Variants in PHKB observed in about 807,000 individuals in gnomAD.
PHKB encodes phosphorylase b kinase regulatory subunit beta.
Under a neutral mutation model 152.1 loss-of-function variants are expected in PHKB, and 122 were observed. That is an observed-to-expected ratio of 0.80 (90% confidence interval 0.69 to 0.93). The LOEUF (loss-of-function observed/expected upper bound fraction) is 0.93, where lower values mean the gene tolerates loss of function less well. PHKB is among the 40% of genes least tolerant of loss of function. The pLI is 0.00. For synonymous variants in PHKB, 436 were observed against 464.9 expected, an observed-to-expected ratio of 0.94 and a Z score of 0.80; for missense variants, 1,304 against 1,328.4, an observed-to-expected ratio of 0.98 and a Z score of 0.29.
intron 14 of PHKB, among the ~76,000 whole-genome samples, chr16:47,614,168 G>A (rs1030604756): frequency 4.6e-5 from 7 of 152,170 alleles, no homozygotes; most frequent in African/African-American, 1.2e-4. Flanking sequence ...GGAGAGTGAG[G>A]GGGAGGGCCT....
intron 15 of PHKB, 50 bp downstream of exon 15, chr16:47,641,140 G>A (rs934202986): frequency 7.4e-7 from 1 of 1,359,494 alleles, no homozygotes; most frequent in Non-Finnish European, 1.1e-6. Context: ...GGGGAGGGGA[G>A]GGGAAATGAT....
rs539665010 is a variant in PHKB, at chr16:47,636,023, T to C, written c.1459-5012T>C. On this transcript the variant is annotated intron_variant, in intron 14 of 30. Coordinates refer to ENST00000323584, the MANE Select transcript of PHKB (RefSeq NM_000293.3). Reference sequence around the variant, plus strand: ...AACAGGATTCTGGTGACTAATTGCATATGGAGGTTATGTAAAAGGCATCAA... The same window carrying C: ...AACAGGATTCTGGTGACTAATTGCACATGGAGGTTATGTAAAAGGCATCAA... Among the ~76,000 whole-genome samples, 66 of 152,218 alleles carry C rather than the reference T, an allele frequency of 4.3e-4. 1 individual carries two copies. Among genetic ancestry groups the C allele is most frequent in the African/African-American group, 1.6e-3 (66 of 41,536 alleles).
At chr16:47,632,010 A>T (rs1972836488) in intron 14 of PHKB, among the ~76,000 whole-genome samples, 1 of 151,692 alleles carries the variant, frequency 6.6e-6, no homozygotes, top group Non-Finnish European at 1.5e-5. Flanking sequence ...CCATGAGATA[A>T]CTCTTATCAA....
chr16:47,628,973 T>G (rs1259159281), intron 14 of PHKB, among the ~76,000 whole-genome samples: 1 of 152,132 alleles, frequency 6.6e-6, no homozygotes, highest in African/African-American at 2.4e-5. Context: ...TAGCCATATG[T>G]AGAAAGCTGA....
chr16:47,482,073 C>T (rs1487929800), intron 1 of PHKB, among the ~76,000 whole-genome samples: 4 of 152,210 alleles, frequency 2.6e-5, no homozygotes, highest in Non-Finnish European at 2.9e-5. Flanking sequence ...TGAAAGCTGG[C>T]TTGTGAAAAA....
intron 7 of PHKB, chr16:47,566,703 G>T (rs1378224486): frequency 3.8e-6 from 3 of 790,344 alleles, no homozygotes; most frequent in African/African-American, 1.7e-5. Context: ...AATTGGAGGT[G>T]CCCTATACAC....
intron 20 of PHKB, among the ~76,000 whole-genome samples, chr16:47,655,140 C>G (rs1034659879): frequency 6.6e-6 from 1 of 151,930 alleles, no homozygotes; most frequent in African/African-American, 2.4e-5. Flanking sequence ...GATAGGTAAA[C>G]TCAGAAAAAC....
intron 5 of PHKB, among the ~76,000 whole-genome samples, chr16:47,513,522 G>C (rs1160612165): frequency 6.6e-6 from 1 of 152,156 alleles, no homozygotes; most frequent in Non-Finnish European, 1.5e-5. Context: ...ACTCTTGACT[G>C]CCAGGAAGTC....
At chr16:47,619,022 T>C (rs1169973955) in intron 14 of PHKB, 1 of 152,240 alleles carries the variant, frequency 6.6e-6, no homozygotes, top group African/African-American at 2.4e-5. Flanking sequence ...TGATAACTAC[T>C]ATTGATTGTG....
At chr16:47,480,109 G>C (rs1205774639) in intron 1 of PHKB, among the ~76,000 whole-genome samples, 1 of 152,128 alleles carries the variant, frequency 6.6e-6, no homozygotes, top group Non-Finnish European at 1.5e-5. Flanking sequence ...GATCCCTTCT[G>C]TGTCCTGAGG....
chr16:47,473,753 G>A (rs1319891390), intron 1 of PHKB, among the ~76,000 whole-genome samples: 2 of 152,118 alleles, frequency 1.3e-5, no homozygotes, highest in Non-Finnish European at 2.9e-5. Flanking sequence ...TTGACAAATA[G>A]TAATTGTATA....
intron 22 of PHKB, among the ~76,000 whole-genome samples, chr16:47,661,336 AT>A (rs1189108069): frequency 2.0e-5 from 3 of 152,194 alleles, no homozygotes; most frequent in Non-Finnish European, 4.4e-5. Flanking sequence ...CCATTTACCA[AT>A]AAGAAGAATC....
chr16:47,659,245 A>G (rs1284519561), intron 20 of PHKB, among the ~76,000 whole-genome samples: 2 of 152,188 alleles, frequency 1.3e-5, no homozygotes, highest in Admixed American at 1.3e-4. Flanking sequence ...TTGTTGATCT[A>G]CTTTGTTTAT....
rs1323449336 is a variant in PHKB at position 47,700,465 on chromosome 16, A to T, written c.*1099A>T. 1 of 152,050 alleles carries T rather than the reference A, an allele frequency of 6.6e-6. No individual in the cohort carries two copies. The highest frequency in any genetic ancestry group is 1.5e-5 in the Non-Finnish European group (1 of 67,976). The allele number at this position is 152,050 out of a possible 1,614,324, so 9.4% of individuals were successfully genotyped here. ...ATTAAATTTTATTTCTGAATTAATGAACATATCTGGACATTTTTTGTTCCT... is the reference window on the plus strand; with the variant it reads ...ATTAAATTTTATTTCTGAATTAATGTACATATCTGGACATTTTTTGTTCCT... On this transcript the variant is annotated 3_prime_UTR_variant, in exon 31 of 31. Transcript: ENST00000323584.
At chr16:47,489,792 A>G (rs1415763566) in intron 1 of PHKB, among the ~76,000 whole-genome samples, 1 of 151,808 alleles carries the variant, frequency 6.6e-6, no homozygotes, top group Non-Finnish European at 1.5e-5. Flanking sequence ...AGGGAAGCAT[A>G]CCGTTCCAGT....
chr16:47,554,273 G>T (rs1299761492), intron 7 of PHKB, among the ~76,000 whole-genome samples: 1 of 152,170 alleles, frequency 6.6e-6, no homozygotes, highest in Non-Finnish European at 1.5e-5. Flanking sequence ...AGCTGTGGTG[G>T]ACTCTGCCCA....
At chr16:47,662,534 A>G (rs1490674025) in intron 23 of PHKB, among the ~76,000 whole-genome samples, 1 of 152,234 alleles carries the variant, frequency 6.6e-6, no homozygotes, top group Non-Finnish European at 1.5e-5. Context: ...GGAATTAATA[A>G]TACGTATAGT....
intron 14 of PHKB, among the ~76,000 whole-genome samples, chr16:47,631,183 A>G (rs1443864840): frequency 6.6e-6 from 1 of 152,128 alleles, no homozygotes. Context: ...TCTGCCTGCT[A>G]TAGCAAGCAG....
At chr16:47,565,930 C>T in intron 7 of PHKB, 3 of 1,009,272 alleles carry the variant, frequency 3.0e-6, no homozygotes, top group Non-Finnish European at 4.4e-6. Context: ...TGTGGGGGAC[C>T]TCTATCATCA....
Sources: gnomAD v4.1 joint callset for allele counts (sites outside exome capture counted in the v4.1 genomes callset) on GRCh38, gnomAD v4.1.1 for gene constraint, MANE v1.5 for transcripts, NCBI Gene and HGNC (gene_info 2026-07-23, HGNC 2026-07-21) for gene names.